CSMD1: variants seen among roughly 807,000 people sequenced by gnomAD.
CSMD1 encodes CUB and sushi domain-containing protein 1.
In CSMD1, 213 loss-of-function variants were observed where a neutral mutation model predicts 417.5. The ratio of observed to expected loss-of-function variants is 0.51; its 90% CI spans 0.46 to 0.57. The LOEUF (loss-of-function observed/expected upper bound fraction) is 0.57. Among genes scored for constraint, CSMD1 ranks in the 20% least tolerant of loss-of-function variants. CSMD1 has a pLI of 0.00. For synonymous variants in CSMD1, 2,862 were observed against 1,736.8 expected (o/e 1.65, Z -16.11); for missense variants, 6,923 against 4,529.7 (o/e 1.53, Z -15.17).
At chr8:3,319,702 G>C (rs980933346) in intron 23 of CSMD1, among the ~76,000 whole-genome samples, 1 of 151,732 alleles carries the variant, frequency 6.6e-6, no homozygotes, top group Non-Finnish European at 1.5e-5. Context: ...GATTGCTGAA[G>C]AAAAACTAAA....
At chr8:4,242,370 T>A (rs1280610701) in intron 3 of CSMD1, among the ~76,000 whole-genome samples, 1 of 152,138 alleles carries the variant, frequency 6.6e-6, no homozygotes, top group African/African-American at 2.4e-5. Flanking sequence ...CAAAGAGCTG[T>A]AAATGAGAGA....
At chr8:3,978,915 C>T (rs2130158803) in intron 5 of CSMD1, among the ~76,000 whole-genome samples, 1 of 152,254 alleles carries the variant, frequency 6.6e-6, no homozygotes, top group African/African-American at 2.4e-5. Context: ...AAGGAATTAG[C>T]GTCCTAATGT....
intron 1 of CSMD1, among the ~76,000 whole-genome samples, chr8:4,848,784 T>G (rs916615761): frequency 9.2e-5 from 14 of 152,334 alleles, no homozygotes; most frequent in Admixed American, 1.3e-4. Context: ...CCTCAGGTGA[T>G]TCGGCCGTCT....
intron 1 of CSMD1, among the ~76,000 whole-genome samples, chr8:4,661,526 T>C (rs762033587): frequency 7.9e-5 from 12 of 152,312 alleles, no homozygotes; most frequent in Admixed American, 4.6e-4. Flanking sequence ...TACATGAGAA[T>C]AGGATCTTTG....
intron 5 of CSMD1, among the ~76,000 whole-genome samples, chr8:3,822,968 T>A (rs1237083777): frequency 6.6e-6 from 1 of 152,158 alleles, no homozygotes; most frequent in Non-Finnish European, 1.5e-5. Flanking sequence ...AATCAACTTT[T>A]TTAGTATATT....
rs944623962 is a variant in CSMD1, at chr8:3,513,243, T to C, written c.1345-19517A>G. Reference sequence around the variant, plus strand: ...CCAACTTTAATAAATCCCCTAGTTTTCCCCTATTTGGAAATTATTTTGTTT... The same window carrying C: ...CCAACTTTAATAAATCCCCTAGTTTCCCCCTATTTGGAAATTATTTTGTTT... On this transcript the variant is annotated intron_variant, in intron 10 of 69. Transcript: ENST00000635120. Among the ~76,000 whole-genome samples, 11 of 152,246 alleles carry C rather than the reference T, an allele frequency of 7.2e-5. No individual in the cohort carries two copies. In the South Asian group the frequency reaches 8.3e-4, roughly 11 times the overall value.
intron 17 of CSMD1, among the ~76,000 whole-genome samples, chr8:3,387,898 CAGAT>C (rs1344505097): frequency 6.6e-6 from 1 of 152,100 alleles, no homozygotes; most frequent in Non-Finnish European, 1.5e-5. Flanking sequence ...TGCTGTTTAC[CAGAT>C]ATTATCTACA....
chr8:3,158,741 C>T (rs1819695257), intron 38 of CSMD1, among the ~76,000 whole-genome samples: 1 of 151,824 alleles, frequency 6.6e-6, no homozygotes, highest in Non-Finnish European at 1.5e-5. Context: ...TGTGTGCGGC[C>T]TATTTTTATA....
intron 3 of CSMD1, among the ~76,000 whole-genome samples, chr8:4,239,902 A>T (rs151154725): frequency 1.3e-5 from 2 of 152,362 alleles, no homozygotes; most frequent in East Asian, 1.9e-4. Context: ...AGCAATTTGC[A>T]TAAGTAAAAT....
chr8:4,365,240 A>G (rs13257692), intron 3 of CSMD1, among the ~76,000 whole-genome samples: 11,945 of 152,272 alleles, frequency 0.078, 695 homozygotes, highest in African/African-American at 0.16. Context: ...ATGCTTAAGT[A>G]GTTTGGAATG....
intron 3 of CSMD1, among the ~76,000 whole-genome samples, chr8:4,252,150 C>G (rs757799613): frequency 2.6e-5 from 4 of 152,022 alleles, no homozygotes; most frequent in South Asian, 2.1e-4. Flanking sequence ...TTGTTCTGTT[C>G]TTTCAGGATA....
chr8:3,056,929 G>A (rs183546536), intron 49 of CSMD1, among the ~76,000 whole-genome samples: 1 of 151,958 alleles, frequency 6.6e-6, no homozygotes, highest in East Asian at 1.9e-4. Flanking sequence ...TACATAGGTT[G>A]TACTATACAA....
chr8:4,174,135 G>A (rs1368301061), intron 3 of CSMD1, among the ~76,000 whole-genome samples: 1 of 152,050 alleles, frequency 6.6e-6, no homozygotes, highest in Non-Finnish European at 1.5e-5. Flanking sequence ...GAAAGGGAGG[G>A]TCACCCACCA....
chr8:3,660,799 G>A (rs1039363125), intron 7 of CSMD1, among the ~76,000 whole-genome samples: 2 of 152,116 alleles, frequency 1.3e-5, no homozygotes, highest in South Asian at 2.1e-4. Context: ...GGAATCACAG[G>A]CGTGAGCCAC....
intron 8 of CSMD1, among the ~76,000 whole-genome samples, chr8:3,610,539 A>G (rs2117132960): frequency 6.6e-6 from 1 of 152,290 alleles, no homozygotes; most frequent in Non-Finnish European, 1.5e-5. Context: ...TCATATAAGT[A>G]TATAATATAG....
chr8:3,716,552 C>A (rs912401478), intron 6 of CSMD1, among the ~76,000 whole-genome samples: 1 of 152,150 alleles, frequency 6.6e-6, no homozygotes, highest in African/African-American at 2.4e-5. Flanking sequence ...GAGTCACTCT[C>A]GTCCCCGTCT....
At position 4,516,212 on chromosome 8, in the gene CSMD1, G is replaced by C. The variant is rs545676999; in HGVS notation, c.303-96147C>G. ...GAAGATAAGAACCCAGACACACACA[G>C]AGGGAAGACCACGTGAGGACCCAGA... On this transcript the variant is annotated intron_variant, in intron 2 of 69. Coordinates refer to ENST00000635120, the MANE Select transcript of CSMD1 (RefSeq NM_033225.6). Among the ~76,000 whole-genome samples, 68 of 152,240 alleles carry C rather than the reference G, an allele frequency of 4.5e-4. 1 individual carries two copies. In the South Asian group the frequency reaches 0.013, roughly 29 times the overall value.
At chr8:4,860,387 T>C (rs1802057132) in intron 1 of CSMD1, among the ~76,000 whole-genome samples, 1 of 151,316 alleles carries the variant, frequency 6.6e-6, no homozygotes, top group Non-Finnish European at 1.5e-5. Flanking sequence ...AATGGGCACA[T>C]GTACCCAAAA....
chr8:4,043,009 G>A (rs546382551), intron 3 of CSMD1, among the ~76,000 whole-genome samples: 20 of 151,956 alleles, frequency 1.3e-4, no homozygotes, highest in African/African-American at 4.6e-4. Context: ...ACTTGCACCT[G>A]TAGTCCCAGC....
Sources: allele counts gnomAD v4.1 joint callset (sites outside exome capture counted in the v4.1 genomes callset), GRCh38; gene constraint gnomAD v4.1.1; transcripts MANE v1.5; gene names NCBI Gene and HGNC (gene_info 2026-07-23, HGNC 2026-07-21).